RPLP1: variants seen among roughly 807,000 people sequenced by gnomAD.
RPLP1 encodes large ribosomal subunit protein P1.
RPLP1 carries 4 observed loss-of-function variants against 11.6 expected under a neutral mutation model. The observed-to-expected ratio is 0.34, with a 90% confidence interval of 0.17 to 0.79. The LOEUF is 0.79. Among genes scored for constraint, RPLP1 ranks in the 30% least tolerant of loss-of-function variants. The pLI is 0.55. For missense variants in RPLP1, 133 were observed against 142.8 expected, an observed-to-expected ratio of 0.93 and a Z score of 0.35; for synonymous variants, 54 against 52.2, an observed-to-expected ratio of 1.03 and a Z score of -0.15.
chr15:69,453,329 C>A (rs1481407905), intron 1 of RPLP1: 2 of 577,712 alleles, frequency 3.5e-6, no homozygotes, highest in Admixed American at 3.1e-5. Flanking sequence ...CCTCGTCTCT[C>A]TCAGGGACAC....
intron 2 of RPLP1, 81 bp downstream of exon 2, chr15:69,453,802 G>C (rs1331335522): frequency 2.1e-6 from 3 of 1,461,410 alleles, no homozygotes; most frequent in African/African-American, 1.4e-5. Context: ...TACCCCCAGC[G>C]GTGCCATAAC....
chr15:69,453,122 C>T (rs1411201341), intron 1 of RPLP1, 102 bp downstream of exon 1: 6 of 1,118,122 alleles, frequency 5.4e-6, no homozygotes, highest in Non-Finnish European at 6.5e-6. Context: ...GCACTTCCGG[C>T]CGGGGCCAGG....
intron 3 of RPLP1, 28 bp from the exon 4 acceptor site, chr15:69,455,394 AAATCCT>A: frequency 6.3e-7 from 1 of 1,584,734 alleles, no homozygotes; most frequent in Non-Finnish European, 8.6e-7. Context: ...TGAAGTATGG[AAATCCT>A]AACACCTGAT....
Position 69,455,418 on chromosome 15 carries a change from T to G in RPLP1, c.266-10T>G, listed in dbSNP as rs1172742138. On this transcript the variant is annotated splice_polypyrimidine_tract_variant and intron_variant, in intron 3 of 3. Coordinates refer to ENST00000260379, the MANE Select transcript of RPLP1 (RefSeq NM_001003.3). ...GAAATCCTAACACCTGATTGACTTT[T>G]TTTTTCTAGCTGAGGAGAAGAAAGT... 10 of 1,603,716 alleles carry G rather than the reference T, an allele frequency of 6.2e-6. No homozygotes were observed. The African/African-American group carries it at 1.1e-4, about 17-fold the overall frequency.
Position 69,455,687 on chromosome 15 carries a change from C to T in RPLP1, c.*180C>T. 1.7e-6 allele frequency: 1 copy of T among 597,818 alleles called. No individual in the cohort carries two copies. Among genetic ancestry groups the T allele is most frequent in the Non-Finnish European group, 2.9e-6 (1 of 340,734 alleles). 37.0% of individuals were successfully genotyped at this position (597,818 alleles called of 1,614,324 possible). The stretch of plus-strand genomic sequence containing the variant: ...TGCCGGATGTGAGATTTAGACAATC[C>T]TGATGCTAACAAGAAGGCACCTCAT... On this transcript the variant is annotated 3_prime_UTR_variant, in exon 4 of 4. Transcript: ENST00000260379.
chr15:69,454,095 C>T, intron 2 of RPLP1: 1 of 221,206 alleles, frequency 4.5e-6, no homozygotes, highest in South Asian at 5.3e-5. Context: ...GTGGTGCGAT[C>T]TCAGCTCACT....
At chr15:69,454,000 G>A (rs1361940175) in intron 2 of RPLP1, 1 of 478,502 alleles carries the variant, frequency 2.1e-6, no homozygotes, top group South Asian at 3.1e-5. Flanking sequence ...TCGGGAGATA[G>A]GTACTACGCA....
At chr15:69,453,148 G>A (rs2140435186) in intron 1 of RPLP1, 128 bp downstream of exon 1, 1 of 870,248 alleles carries the variant, frequency 1.1e-6, no homozygotes, top group Admixed American at 2.2e-5. Flanking sequence ...AACACAGGCC[G>A]CATAGGGCGG....
At position 69,455,832 on chromosome 15, in the gene RPLP1, G is replaced by A. The variant is rs772786408; in HGVS notation, c.*325G>A. On this transcript the variant is annotated 3_prime_UTR_variant, in exon 4 of 4. Transcript: ENST00000260379. ...TGTGTCCCCTACACTGGGGGTGGAGGGTAATACAGACCAGCTTTAGAAAGC... is the reference window on the plus strand; with the variant it reads ...TGTGTCCCCTACACTGGGGGTGGAGAGTAATACAGACCAGCTTTAGAAAGC... 214 of 247,858 alleles carry A rather than the reference G, an allele frequency of 8.6e-4. No individual in the cohort carries two copies. Among genetic ancestry groups the A allele is most frequent in the Non-Finnish European group, 1.4e-3 (174 of 127,686 alleles). The allele number at this position is 247,858 out of a possible 1,614,324, so 15.4% of individuals were successfully genotyped here.
Position 69,453,695 on chromosome 15 carries a change from C to A in RPLP1, c.121C>A (p.Pro41Thr). ...TAAAGCAGCCGGTGTAAATGTTGAG[C>A]CTTTTTGGCCTGGCTTGTTTGCAAA... is the stretch of plus-strand genomic sequence containing the variant. The part of the protein sequence containing the change: ...LIKAAGVNVE[P>T]FWPGLFAKAL... The change falls in exon 2 of 4, where the codon CCT becomes ACT. Residue 41 changes from proline to threonine, a missense_variant. By Grantham distance (38) the Pro-to-Thr change is conservative. Coordinates refer to ENST00000260379, the MANE Select transcript of RPLP1 (RefSeq NM_001003.3). 6.2e-7 allele frequency: 1 copy of A among 1,614,098 alleles called. No individual in the cohort carries two copies. Among genetic ancestry groups the A allele is most frequent in the South Asian group, 1.1e-5 (1 of 91,076 alleles).
intron 2 of RPLP1, chr15:69,454,291 A>G (rs1892401222): frequency 1.3e-5 from 2 of 152,886 alleles, no homozygotes; most frequent in African/African-American, 4.8e-5. Context: ...TCTGCCTCCC[A>G]AAGTGCTGAG....
chr15:69,455,496 CT>C lies in RPLP1; in HGVS notation c.339del (p.Phe113LeufsTer7). 6.2e-7 allele frequency: 1 copy of C among 1,605,380 alleles called. No homozygotes were observed. On this transcript the variant is annotated frameshift_variant, in exon 4 of 4. Coordinates refer to ENST00000260379, the MANE Select transcript of RPLP1 (RefSeq NM_001003.3). LOFTEE classifies it high-confidence loss of function. ...GTCTGATGATGACATGGGCTTTGGT[CT>C]TTTTGACTAAACCTCTTTTATAACA... ...EESDDDMGFG[L>X]FD is the part of the protein sequence containing the mutation.
chr15:69,453,621 T>A lies in RPLP1; in HGVS notation c.73-26T>A, dbSNP rs1223796792. The A allele has an allele frequency of 6.2e-6, 10 of 1,612,856 alleles. No individual in the cohort carries two copies. The East Asian group carries it at 2.2e-4, about 36-fold the overall frequency. On this transcript the variant is annotated intron_variant, in intron 1 of 3. Coordinates refer to ENST00000260379, the MANE Select transcript of RPLP1 (RefSeq NM_001003.3). ...AGATATTACATACGCTACGTTTTGATGGATTGACGTTTTTATTTGTTGTAG... is the reference window on the plus strand; with the variant it reads ...AGATATTACATACGCTACGTTTTGAAGGATTGACGTTTTTATTTGTTGTAG...
At chr15:69,454,001 G>A in intron 2 of RPLP1, 1 of 469,200 alleles carries the variant, frequency 2.1e-6, no homozygotes, top group East Asian at 3.7e-5. Flanking sequence ...CGGGAGATAG[G>A]TACTACGCAT....
chr15:69,453,683 G>A lies in RPLP1; in HGVS notation c.109G>A (p.Val37Ile). The change falls in exon 2 of 4, where the codon GTA becomes ATA. Residue 37 changes from valine to isoleucine, a missense_variant. Val to Ile is a conservative substitution (Grantham distance 29). Transcript: ENST00000260379. ...KINALIKAAG[V>I]NVEPFWPGLF... ...CAATGCCCTCATTAAAGCAGCCGGT[G>A]TAAATGTTGAGCCTTTTTGGCCTGG... is the stretch of plus-strand genomic sequence containing the variant. 1 of 1,614,154 alleles carries A rather than the reference G, an allele frequency of 6.2e-7. No homozygotes were observed.
chr15:69,453,101 C>T, intron 1 of RPLP1, 81 bp downstream of exon 1: 1 of 1,307,904 alleles, frequency 7.6e-7, no homozygotes, highest in South Asian at 1.3e-5. Flanking sequence ...GGCTCCAGGC[C>T]GTTCGACTGA....
chr15:69,453,863 C>G (rs1892394147), intron 2 of RPLP1, 142 bp downstream of exon 2: 1 of 730,784 alleles, frequency 1.4e-6, no homozygotes, highest in South Asian at 1.7e-5. Context: ...ATGTATATCT[C>G]TAGGAGCTAA....
At position 69,455,363 on chromosome 15, in the gene RPLP1, C is replaced by T. The variant is rs930118598; in HGVS notation, c.266-65C>T. On this transcript the variant is annotated intron_variant, in intron 3 of 3. Transcript: ENST00000260379. ...AAAATAGTATTATAGACAAAATTGC[C>T]ATTAATTTTTCACAAGTATATGAAG... is the stretch of plus-strand genomic sequence containing the variant. 1.6e-5 allele frequency: 24 copies of T among 1,546,508 alleles called. 1 individual carries two copies. In the South Asian group the frequency reaches 2.2e-4, roughly 14 times the overall value.
intron 2 of RPLP1, chr15:69,454,587 T>TA (rs973812251): frequency 6.6e-6 from 1 of 152,242 alleles, no homozygotes; most frequent in Non-Finnish European, 1.5e-5. Flanking sequence ...ACATTGTACC[T>TA]ATGTCATATT....
Sources: gnomAD v4.1 joint callset for allele counts on GRCh38, gnomAD v4.1.1 for gene constraint, MANE v1.5 for transcripts, NCBI Gene and HGNC (gene_info 2026-07-23, HGNC 2026-07-21) for gene names.